Variants in ATG5 observed in about 807,000 individuals in gnomAD.
The protein encoded by ATG5 is autophagy related 5.
ATG5 carries 14 observed loss-of-function variants against 36.5 expected under a neutral mutation model. The observed-to-expected ratio is 0.38, with a 90% CI of 0.25 to 0.60. ATG5 has a LOEUF of 0.60. Ranked by LOEUF, ATG5 falls within the 20% of genes least tolerant of loss-of-function variation. ATG5 has a pLI of 0.60. For missense variants in ATG5, 195 were observed against 326.7 expected (o/e 0.60, Z 3.11); for synonymous variants, 95 against 101.5 (o/e 0.94, Z 0.38).
intron 3 of ATG5, among the ~76,000 whole-genome samples, chr6:106,300,672 T>C (rs886839674): frequency 1.3e-5 from 2 of 152,116 alleles, no homozygotes; most frequent in African/African-American, 2.4e-5. Flanking sequence ...ATCATGTTAC[T>C]ACACTGAATA....
chr6:106,199,691 A>T (rs1776345412), intron 7 of ATG5, among the ~76,000 whole-genome samples: 1 of 152,228 alleles, frequency 6.6e-6, no homozygotes, highest in South Asian at 2.1e-4. Flanking sequence ...TAAAACTCTT[A>T]TTGAAAGCTA....
At chr6:106,279,911 C>T (rs1458297343) in intron 4 of ATG5, 88 bp from the exon 5 acceptor site, 1 of 891,326 alleles carries the variant, frequency 1.1e-6, no homozygotes, top group Non-Finnish European at 1.5e-6. Context: ...CCCAGTTTTT[C>T]AATATTTCTA....
chr6:106,219,003 G>GA (rs138748201), intron 6 of ATG5, among the ~76,000 whole-genome samples: 1 of 151,302 alleles, frequency 6.6e-6, no homozygotes, highest in East Asian at 1.9e-4. Context: ...AAAATGTAAA[G>GA]AAAAAAAGGA....
intron 5 of ATG5, among the ~76,000 whole-genome samples, chr6:106,269,541 C>A (rs937368867): frequency 1.3e-5 from 2 of 152,244 alleles, no homozygotes; most frequent in Non-Finnish European, 2.9e-5. Flanking sequence ...AGGTCCCGAG[C>A]CCTGCCCCGC....
At chr6:106,270,397 TTCACCTTCCTGCA>T in intron 5 of ATG5, among the ~76,000 whole-genome samples, 1 of 152,328 alleles carries the variant, frequency 6.6e-6, no homozygotes, top group Non-Finnish European at 1.5e-5. Flanking sequence ...GTTGGAATTA[TTCACCTTCCTGCA>T]AAACGTACTA....
At chr6:106,245,983 G>A (rs1778315258) in intron 6 of ATG5, among the ~76,000 whole-genome samples, 2 of 152,098 alleles carry the variant, frequency 1.3e-5, no homozygotes, top group Non-Finnish European at 1.5e-5. Context: ...GGCCATGGTT[G>A]AAGACTGAAT....
chr6:106,312,832 T>G (rs1465004950), intron 2 of ATG5, among the ~76,000 whole-genome samples: 1 of 152,176 alleles, frequency 6.6e-6, no homozygotes, highest in Non-Finnish European at 1.5e-5. Context: ...ATTAGTGACT[T>G]TGGCAAGAAC....
At chr6:106,248,639 G>A (rs1443366780) in intron 5 of ATG5, among the ~76,000 whole-genome samples, 1 of 152,164 alleles carries the variant, frequency 6.6e-6, no homozygotes, top group Non-Finnish European at 1.5e-5. Context: ...TAGAAGTTGT[G>A]TAAAGAAATA....
chr6:106,228,028 AG>A (rs1252877430), intron 6 of ATG5, among the ~76,000 whole-genome samples: 1 of 152,212 alleles, frequency 6.6e-6, no homozygotes, highest in Non-Finnish European at 1.5e-5. Flanking sequence ...TCTAACAAGG[AG>A]GGGCTTAAAC....
intron 6 of ATG5, among the ~76,000 whole-genome samples, chr6:106,204,772 G>C (rs1225158845): frequency 6.6e-6 from 1 of 152,170 alleles, no homozygotes; most frequent in East Asian, 1.9e-4. Context: ...GCCCCCACAA[G>C]CCATACGGAA....
intron 4 of ATG5, among the ~76,000 whole-genome samples, chr6:106,289,166 G>A (rs1157826064): frequency 6.6e-6 from 1 of 152,140 alleles, no homozygotes; most frequent in East Asian, 1.9e-4. Context: ...TCTGTTGAAT[G>A]TATAAACTAT....
intron 2 of ATG5, among the ~76,000 whole-genome samples, chr6:106,309,728 A>C (rs1770578470): frequency 6.6e-6 from 1 of 152,158 alleles, no homozygotes; most frequent in Admixed American, 6.5e-5. Flanking sequence ...AGAAATGACA[A>C]ATACAGATGT....
chr6:106,293,692 A>G (rs1780417182), intron 3 of ATG5, among the ~76,000 whole-genome samples: 2 of 152,212 alleles, frequency 1.3e-5, no homozygotes, highest in Admixed American at 1.3e-4. Flanking sequence ...AAGCCACTGA[A>G]TATTCTTCTG....
At chr6:106,296,861 T>C (rs1769964675) in intron 3 of ATG5, among the ~76,000 whole-genome samples, 1 of 152,190 alleles carries the variant, frequency 6.6e-6, no homozygotes, top group South Asian at 2.1e-4. Context: ...GGAATCAGTT[T>C]TTAGCTATCA....
At chr6:106,311,784 A>G (rs1244306934) in intron 2 of ATG5, among the ~76,000 whole-genome samples, 1 of 152,102 alleles carries the variant, frequency 6.6e-6, no homozygotes, top group Non-Finnish European at 1.5e-5. Flanking sequence ...GAAAGAAGGG[A>G]AAACTAAAAG....
At chr6:106,288,523 C>T (rs1239378417) in intron 4 of ATG5, among the ~76,000 whole-genome samples, 1 of 151,976 alleles carries the variant, frequency 6.6e-6, no homozygotes, top group Non-Finnish European at 1.5e-5. Flanking sequence ...TACAAAAATG[C>T]CTATAAAAAT....
At chr6:106,295,564 A>ATT (rs71549459) in intron 3 of ATG5, among the ~76,000 whole-genome samples, 42 of 142,250 alleles carry the variant, frequency 3.0e-4, no homozygotes, top group African/African-American at 4.1e-4. Context: ...AAATCAAGTA[A>ATT]TTTTTTTTTT....
At chr6:106,323,260 CTTTTTTTTTTT>C (rs71274321) in intron 1 of ATG5, among the ~76,000 whole-genome samples, 1 of 64,222 alleles carries the variant, frequency 1.6e-5, no homozygotes, top group Non-Finnish European at 2.7e-5. Flanking sequence ...TGGAAAAGTC[CTTTTTTTTTTT>C]TTTTTTTTTT....
rs180886120 is a variant in ATG5 at position 106,296,558 on chromosome 6, C to T, written c.237-3452G>A. On this transcript the variant is annotated intron_variant, in intron 3 of 7. Coordinates refer to ENST00000369076, the MANE Select transcript of ATG5 (RefSeq NM_004849.4). ...GCAGGCTGGGCGTGGTGGCTCACGC[C>T]TGTAATCCCAGCACTTTGGGAGGCT... Among the ~76,000 whole-genome samples, 4 of 152,328 alleles carry T rather than the reference C, an allele frequency of 2.6e-5. No individual in the cohort carries two copies. In the East Asian group the frequency reaches 7.7e-4, roughly 29 times the overall value.
Sources: allele counts gnomAD v4.1 joint callset (sites outside exome capture counted in the v4.1 genomes callset), GRCh38; gene constraint gnomAD v4.1.1; transcripts MANE v1.5; gene names NCBI Gene and HGNC (gene_info 2026-07-23, HGNC 2026-07-21).